The following NEBL variants were observed in gnomAD, a reference collection of about 807,000 sequenced individuals.
The protein encoded by NEBL is LIM and SH3 protein 2.
A neutral mutation model predicts 140.2 loss-of-function variants in NEBL; 122 were observed. The ratio of observed to expected loss-of-function variants is 0.87; its 90% CI spans 0.75 to 1.01. The LOEUF (loss-of-function observed/expected upper bound fraction) is 1.01. Among genes scored for constraint, NEBL ranks in the 50% least tolerant of loss-of-function variants. The pLI is 0.00. For synonymous variants in NEBL, 436 were observed against 398.9 expected (o/e 1.09, Z -1.11); for missense variants, 1,365 against 1,231.3 (o/e 1.11, Z -1.62).
chr10:20,858,131 A>G, intron 9 of NEBL, 109 bp downstream of exon 9: 1 of 810,518 alleles, frequency 1.2e-6, no homozygotes, highest in Non-Finnish European at 2.1e-6. Context: ...ACGAGGGAGG[A>G]GTGAGGCACA....
chr10:21,035,091 C>T (rs1028046268), intron 2 of NEBL, among the ~76,000 whole-genome samples: 1 of 152,000 alleles, frequency 6.6e-6, no homozygotes, highest in African/African-American at 2.4e-5. Flanking sequence ...CTCCACCTGC[C>T]AGGCCCAAGT....
intron 9 of NEBL, among the ~76,000 whole-genome samples, chr10:20,857,174 A>G (rs1444769306): frequency 6.6e-6 from 1 of 152,224 alleles, no homozygotes; most frequent in Non-Finnish European, 1.5e-5. Flanking sequence ...CATGCATAAT[A>G]CCATTAAGGA....
At position 20,845,364 on chromosome 10, in the gene NEBL, A is replaced by G; in HGVS notation, c.1121T>C (p.Val374Ala). The G allele has an allele frequency of 6.4e-7, 1 of 1,555,432 alleles. No homozygotes were observed. Residue 374 changes from valine to alanine, a missense_variant, in exon 12 of 28, where the codon GTT becomes GCT. By Grantham distance (64) the Val-to-Ala change is moderately conservative. Transcript: ENST00000377122. ...KEAQKMQSEK[V>A]YKEDFEKEIK... Reference sequence around the variant, plus strand: ...CTCCTTCTCAAAATCCTCTTTGTAAACTTTCTGTTAAATAAGACCACATAA... The same window carrying G: ...CTCCTTCTCAAAATCCTCTTTGTAAGCTTTCTGTTAAATAAGACCACATAA...
chr10:21,232,653 C>T (rs187246967), intron 3 of NEBL, among the ~76,000 whole-genome samples: 1 of 152,320 alleles, frequency 6.6e-6, no homozygotes, highest in East Asian at 1.9e-4. Flanking sequence ...GAATCTAGCA[C>T]TGCTGCAGAT....
chr10:20,995,300 G>A (rs1434979136), intron 3 of NEBL, among the ~76,000 whole-genome samples: 1 of 152,192 alleles, frequency 6.6e-6, no homozygotes, highest in Non-Finnish European at 1.5e-5. Flanking sequence ...CCCTGGGGGT[G>A]GGGACAGCAG....
intron 4 of NEBL, among the ~76,000 whole-genome samples, chr10:20,935,449 G>A (rs1834428860): frequency 6.6e-6 from 1 of 152,164 alleles, no homozygotes; most frequent in South Asian, 2.1e-4. Context: ...GCAGATAACA[G>A]AACTGAGAAC....
chr10:20,957,310 A>C (rs1486712703), intron 4 of NEBL, among the ~76,000 whole-genome samples: 2 of 152,218 alleles, frequency 1.3e-5, no homozygotes. Flanking sequence ...AAAATTATGT[A>C]GTGTAGCAAA....
At chr10:21,276,171 C>T (rs1019807164) in intron 1 of NEBL, among the ~76,000 whole-genome samples, 1 of 151,848 alleles carries the variant, frequency 6.6e-6, no homozygotes, top group African/African-American at 2.4e-5. Flanking sequence ...AGCGTTCCAC[C>T]ATGTTGGGCA....
In NEBL at chr10:21,192,018, C is replaced by A. The variant is rs145865867; in HGVS notation, n.349-19541G>T. Among the ~76,000 whole-genome samples, 803 of 152,136 alleles carry A rather than the reference C, an allele frequency of 5.3e-3. 4 individuals carry two copies. Among genetic ancestry groups the A allele is most frequent in the African/African-American group, 0.018 (741 of 41,504 alleles). ...TTGATTGCTCTTCTCAAAGGGGTCC[C>A]AAGGTTTTTGTTTCTTTAATGACCT... On this transcript the variant is annotated intron_variant and non_coding_transcript_variant, in intron 3 of 8. Coordinates refer to the NEBL transcript ENST00000675702.
intron 2 of NEBL, among the ~76,000 whole-genome samples, chr10:21,100,979 G>A (rs1837451494): frequency 6.6e-6 from 1 of 152,094 alleles, no homozygotes; most frequent in African/African-American, 2.4e-5. Flanking sequence ...GACCTTTCAC[G>A]GGAACATTTT....
chr10:20,789,945 ATGTG>A (rs1050746382), intron 26 of NEBL, among the ~76,000 whole-genome samples: 17 of 149,348 alleles, frequency 1.1e-4, no homozygotes, highest in Non-Finnish European at 2.4e-4. Flanking sequence ...GTATATATAT[ATGTG>A]TGTGTATATA....
rs1333180869 is a variant in NEBL at position 21,216,802 on chromosome 10, GA to G, written n.348+31118del. On this transcript the variant is annotated intron_variant and non_coding_transcript_variant, in intron 3 of 8. Transcript: ENST00000675702. ...AAAAAAAGAAAAAGAAAAAAGAAAA[GA>G]AACACGAAAACCCATCACTACTAAA... 1.3e-5 allele frequency among the ~76,000 whole-genome samples: 2 copies of G among 148,358 alleles called. 1 individual carries two copies. Among genetic ancestry groups the G allele is most frequent in the Non-Finnish European group, 3.0e-5 (2 of 67,340 alleles).
intron 3 of NEBL, among the ~76,000 whole-genome samples, chr10:21,001,869 C>T (rs573832770): frequency 6.6e-6 from 1 of 152,268 alleles, no homozygotes; most frequent in South Asian, 2.1e-4. Context: ...CCCTTTCTCT[C>T]CACCCACCAC....
chr10:20,908,403 G>A (rs1205140278), intron 4 of NEBL, among the ~76,000 whole-genome samples: 20 of 152,178 alleles, frequency 1.3e-4, no homozygotes, highest in Admixed American at 1.3e-3. Context: ...AGTAGTCCTT[G>A]TGGTATGGAG....
intron 1 of NEBL, among the ~76,000 whole-genome samples, chr10:21,285,978 CA>C (rs993765179): frequency 2.0e-5 from 3 of 152,222 alleles, no homozygotes; most frequent in African/African-American, 7.2e-5. Context: ...CCTCAGGCCA[CA>C]TTCCATGCGG....
intron 2 of NEBL, among the ~76,000 whole-genome samples, chr10:21,154,826 T>C (rs1390682233): frequency 6.6e-6 from 1 of 152,222 alleles, no homozygotes; most frequent in Non-Finnish European, 1.5e-5. Context: ...AATTTTTTAT[T>C]TTAACCTTTG....
intron 8 of NEBL, among the ~76,000 whole-genome samples, chr10:20,859,395 G>GTAAC (rs1843426970): frequency 2.0e-5 from 3 of 151,938 alleles, no homozygotes. Context: ...ATTACATGAG[G>GTAAC]TAACTACTGT....
chr10:20,936,017 C>T (rs917614404), intron 4 of NEBL, among the ~76,000 whole-genome samples: 1 of 152,144 alleles, frequency 6.6e-6, no homozygotes, highest in Admixed American at 6.5e-5. Context: ...TAAACTGTTG[C>T]AAATGGCAAT....
chr10:21,097,332 G>A (rs575176674), intron 2 of NEBL, among the ~76,000 whole-genome samples: 9 of 151,990 alleles, frequency 5.9e-5, no homozygotes, highest in South Asian at 2.1e-4. Context: ...GGTGGCGGGC[G>A]CCTGTAATCT....
Sources: gnomAD v4.1 joint callset for allele counts (sites outside exome capture counted in the v4.1 genomes callset) on GRCh38, gnomAD v4.1.1 for gene constraint, MANE v1.5 for transcripts, NCBI Gene and HGNC (gene_info 2026-07-23, HGNC 2026-07-21) for gene names.